Variants in SEMA5A observed in about 807,000 individuals in gnomAD.
SEMA5A encodes semaphorin 5A, also known as semaphorin-5A.
A neutral mutation model predicts 135.5 loss-of-function variants in SEMA5A; 55 were observed. The observed-to-expected ratio is 0.41, with a 90% CI of 0.33 to 0.51. The LOEUF (loss-of-function observed/expected upper bound fraction) is 0.51, where lower values mean the gene tolerates loss of function less well. Among genes scored for constraint, SEMA5A ranks in the 20% least tolerant of loss-of-function variants. SEMA5A has a pLI of 0.37. For missense variants in SEMA5A, 1,290 were observed against 1,419.9 expected, an observed-to-expected ratio of 0.91 and a Z score of 1.47; for synonymous variants, 580 against 546.5, an observed-to-expected ratio of 1.06 and a Z score of -0.85.
At chr5:9,053,055 T>C (rs751798712) in intron 19 of SEMA5A, among the ~76,000 whole-genome samples, 1 of 152,186 alleles carries the variant, frequency 6.6e-6, no homozygotes, top group Non-Finnish European at 1.5e-5. Flanking sequence ...TCAATATACA[T>C]AGAACCTTCT....
intron 16 of SEMA5A, among the ~76,000 whole-genome samples, chr5:9,079,785 CAT>C (rs554620465): frequency 1.7e-3 from 266 of 152,192 alleles, no homozygotes; most frequent in Non-Finnish European, 2.4e-3. Flanking sequence ...AGGCAACAAA[CAT>C]ATGAAAAAAA....
intron 11 of SEMA5A, among the ~76,000 whole-genome samples, chr5:9,176,069 C>T (rs552607210): frequency 5.3e-5 from 8 of 152,288 alleles, no homozygotes; most frequent in Non-Finnish European, 1.2e-4. Flanking sequence ...GACATTGCCA[C>T]AGTGAAGGAA....
intron 11 of SEMA5A, among the ~76,000 whole-genome samples, chr5:9,154,948 G>A (rs989271479): frequency 2.6e-5 from 4 of 152,226 alleles, no homozygotes; most frequent in Admixed American, 1.3e-4. Flanking sequence ...AATCATGTCC[G>A]ATTGGACCCT....
chr5:9,288,642 C>T (rs1435905059), intron 5 of SEMA5A, among the ~76,000 whole-genome samples: 4 of 152,096 alleles, frequency 2.6e-5, no homozygotes, highest in African/African-American at 9.7e-5. Context: ...TATTTCTAGC[C>T]AAGAACACTC....
chr5:9,462,136 G>A (rs1289448314), intron 1 of SEMA5A, among the ~76,000 whole-genome samples: 1 of 152,040 alleles, frequency 6.6e-6, no homozygotes, highest in African/African-American at 2.4e-5. Flanking sequence ...TAAACAAAAT[G>A]TTCACCAAGT....
intron 11 of SEMA5A, among the ~76,000 whole-genome samples, chr5:9,177,783 C>T (rs1744282173): frequency 6.6e-6 from 1 of 152,202 alleles, no homozygotes; most frequent in South Asian, 2.1e-4. Context: ...CCAGCCTTAG[C>T]ACCCTATTAG....
At chr5:9,413,947 T>TA (rs1757194185) in intron 2 of SEMA5A, among the ~76,000 whole-genome samples, 1 of 152,162 alleles carries the variant, frequency 6.6e-6, no homozygotes, top group Non-Finnish European at 1.5e-5. Context: ...AATAGGTATA[T>TA]AAAATCTCTA....
intron 13 of SEMA5A, among the ~76,000 whole-genome samples, chr5:9,129,532 T>A (rs1036351921): frequency 2.0e-5 from 3 of 152,228 alleles, no homozygotes; most frequent in Non-Finnish European, 2.9e-5. Flanking sequence ...AGAAAGCAGA[T>A]CCATGAATAA....
At chr5:9,115,939 C>G (rs1020975208) in intron 15 of SEMA5A, among the ~76,000 whole-genome samples, 1 of 152,132 alleles carries the variant, frequency 6.6e-6, no homozygotes, top group African/African-American at 2.4e-5. Context: ...GACTGTCTTT[C>G]CTGCTGGATT....
At chr5:9,139,686 C>T (rs1048249983) in intron 12 of SEMA5A, among the ~76,000 whole-genome samples, 9 of 152,086 alleles carry the variant, frequency 5.9e-5, no homozygotes, top group Non-Finnish European at 8.8e-5. Context: ...AATATTTTCC[C>T]TGTTTGACAT....
At chr5:9,310,839 A>G (rs1177608069) in intron 5 of SEMA5A, among the ~76,000 whole-genome samples, 2 of 148,988 alleles carry the variant, frequency 1.3e-5, no homozygotes, top group Non-Finnish European at 3.0e-5. Flanking sequence ...GTATATGTGT[A>G]TATATATACA....
chr5:9,388,696 A>G (rs538017590), intron 2 of SEMA5A, among the ~76,000 whole-genome samples: 40 of 152,126 alleles, frequency 2.6e-4, no homozygotes, highest in African/African-American at 6.0e-4. Flanking sequence ...TCAGAAGATC[A>G]AGACCATCCT....
intron 11 of SEMA5A, among the ~76,000 whole-genome samples, chr5:9,172,068 CA>C (rs3839318): frequency 0.56 from 85,426 of 151,784 alleles, 24,358 homozygotes; most frequent in African/African-American, 0.65. Flanking sequence ...GCCCTGACTC[CA>C]AGGCTGGAAA....
chr5:9,428,619 G>A (rs1291429051), intron 2 of SEMA5A, among the ~76,000 whole-genome samples: 2 of 152,296 alleles, frequency 1.3e-5, no homozygotes, highest in East Asian at 3.9e-4. Context: ...TTGGTACACT[G>A]TAAGTGATGT....
At position 9,223,669 on chromosome 5, in the gene SEMA5A, AT is replaced by A. The variant is rs749360632; in HGVS notation, c.646+1004del. 5.3e-5 allele frequency among the ~76,000 whole-genome samples: 8 copies of A among 152,314 alleles called. No individual in the cohort carries two copies. In the East Asian group the frequency reaches 1.5e-3, roughly 29 times the overall value. On this transcript the variant is annotated intron_variant, in intron 8 of 22. Coordinates refer to ENST00000382496, the MANE Select transcript of SEMA5A (RefSeq NM_003966.3). The stretch of plus-strand genomic sequence containing the variant: ...TAGCAAAAGTCTACTAACTCTCAAG[AT>A]TTCACTTTTGTACAAACTATCAAAT...
At chr5:9,214,543 T>C (rs1018921281) in intron 8 of SEMA5A, among the ~76,000 whole-genome samples, 2 of 152,220 alleles carry the variant, frequency 1.3e-5, no homozygotes, top group Non-Finnish European at 2.9e-5. Flanking sequence ...ATATTTATGA[T>C]GGGTTTCTGC....
At chr5:9,400,717 G>A (rs1756622975) in intron 2 of SEMA5A, among the ~76,000 whole-genome samples, 1 of 54,282 alleles carries the variant, frequency 1.8e-5, no homozygotes, top group South Asian at 6.4e-4. Flanking sequence ...CATTTTAGCC[G>A]GGATGGTCTC....
At chr5:9,232,235 G>A (rs930379061) in intron 6 of SEMA5A, among the ~76,000 whole-genome samples, 3 of 152,062 alleles carry the variant, frequency 2.0e-5, no homozygotes, top group Non-Finnish European at 2.9e-5. Context: ...TATCTCTTCA[G>A]CAATACCCAG....
At chr5:9,459,744 C>G (rs1758985936) in intron 1 of SEMA5A, among the ~76,000 whole-genome samples, 1 of 152,052 alleles carries the variant, frequency 6.6e-6, no homozygotes, top group Admixed American at 6.6e-5. Context: ...TAGTAGATAA[C>G]TGATAAAGAT....
Sources: gnomAD v4.1 joint callset for allele counts (sites outside exome capture counted in the v4.1 genomes callset) on GRCh38, gnomAD v4.1.1 for gene constraint, MANE v1.5 for transcripts, NCBI Gene and HGNC (gene_info 2026-07-23, HGNC 2026-07-21) for gene names.